The following LAPTM4B variants were observed in gnomAD, a reference collection of about 807,000 sequenced individuals.
LAPTM4B encodes lysosomal-associated transmembrane protein 4B.
A neutral mutation model predicts 28.5 loss-of-function variants in LAPTM4B; 26 were observed. The ratio of observed to expected loss-of-function variants is 0.91; its 90% CI spans 0.67 to 1.27. The LOEUF (loss-of-function observed/expected upper bound fraction) is 1.27, where lower values mean the gene tolerates loss of function less well. Ranked by LOEUF, LAPTM4B falls within the 50% of genes most tolerant of loss-of-function variation. LAPTM4B has a pLI of 0.00. For missense variants in LAPTM4B, 288 were observed against 285.8 expected (o/e 1.01, Z -0.06); for synonymous variants, 109 against 106.4 (o/e 1.02, Z -0.15).
intron 5 of LAPTM4B, among the ~76,000 whole-genome samples, chr8:97,822,842 T>TTA (rs1369735422): frequency 2.6e-5 from 4 of 151,416 alleles, no homozygotes; most frequent in East Asian, 1.9e-4. Context: ...TAGTTATTTT[T>TTA]TTTATTTATT....
intron 2 of LAPTM4B, among the ~76,000 whole-genome samples, chr8:97,812,236 TTG>T: frequency 6.8e-6 from 1 of 146,326 alleles, no homozygotes; most frequent in African/African-American, 2.5e-5. Flanking sequence ...TGTTTTTTTT[TTG>T]AGTCGGAGTC....
chr8:97,777,589 C>T lies in LAPTM4B; in HGVS notation c.99+1481C>T, dbSNP rs559281242. On this transcript the variant is annotated intron_variant, in intron 1 of 6. Coordinates refer to ENST00000521545, the MANE Select transcript of LAPTM4B (RefSeq NM_018407.6). ...CCATTTTAAGCAAAACATTTCACCC[C>T]AGGCATATGGTATTCACTGTGCTAT... 6.2e-4 allele frequency among the ~76,000 whole-genome samples: 95 copies of T among 152,278 alleles called. 2 individuals carry two copies. The South Asian group carries it at 0.019, about 30-fold the overall frequency.
intron 6 of LAPTM4B, among the ~76,000 whole-genome samples, chr8:97,835,406 G>A (rs1271873103): frequency 6.6e-6 from 1 of 152,210 alleles, no homozygotes; most frequent in Non-Finnish European, 1.5e-5. Flanking sequence ...CATTCCCTGG[G>A]TTAATCTCTC....
At chr8:97,790,829 T>C (rs1407724420) in intron 1 of LAPTM4B, among the ~76,000 whole-genome samples, 4 of 152,162 alleles carry the variant, frequency 2.6e-5, no homozygotes, top group African/African-American at 9.7e-5. Context: ...AACTTTCGCC[T>C]CCTGGGTTCA....
intron 6 of LAPTM4B, among the ~76,000 whole-genome samples, chr8:97,838,343 G>A (rs1286512718): frequency 6.6e-6 from 1 of 152,170 alleles, no homozygotes; most frequent in Non-Finnish European, 1.5e-5. Context: ...CATTGATGCT[G>A]TACTCCTCTC....
intron 2 of LAPTM4B, among the ~76,000 whole-genome samples, chr8:97,814,452 A>T (rs902153400): frequency 6.6e-6 from 1 of 152,032 alleles, no homozygotes; most frequent in East Asian, 1.9e-4. Context: ...TGAGCCTGGG[A>T]TGCGGAATTT....
intron 1 of LAPTM4B, among the ~76,000 whole-genome samples, chr8:97,782,546 C>T (rs1586317775): frequency 6.6e-6 from 1 of 151,736 alleles, no homozygotes; most frequent in East Asian, 1.9e-4. Flanking sequence ...TCAAGCGATT[C>T]TCCTGCCTCA....
At chr8:97,831,840 TTTTTTGGTGCCCTTTG>T (rs1419258283) in intron 6 of LAPTM4B, among the ~76,000 whole-genome samples, 1 of 152,144 alleles carries the variant, frequency 6.6e-6, no homozygotes, top group Non-Finnish European at 1.5e-5. Flanking sequence ...GGGTCAGATG[TTTTTTGGTGCCCTTTG>T]CAGTGGATTA....
At chr8:97,823,350 TTTTTTG>T (rs1357537374) in intron 5 of LAPTM4B, among the ~76,000 whole-genome samples, 2 of 38,168 alleles carry the variant, frequency 5.2e-5, no homozygotes, top group African/African-American at 1.2e-4. Flanking sequence ...TATGGTTTTT[TTTTTTG>T]TTTTTTTTTT....
intron 1 of LAPTM4B, among the ~76,000 whole-genome samples, chr8:97,777,164 T>TG (rs1491330025): frequency 3.0e-5 from 4 of 132,566 alleles, no homozygotes; most frequent in Admixed American, 8.0e-5. Context: ...TTTTTTTTTT[T>TG]GAGACAGAGT....
chr8:97,819,410 C>A (rs1563613967), intron 5 of LAPTM4B, among the ~76,000 whole-genome samples, 172 bp downstream of exon 5: 1 of 152,096 alleles, frequency 6.6e-6, no homozygotes, highest in Non-Finnish European at 1.5e-5. Context: ...AAACACTAAT[C>A]AAAATTCCAC....
At chr8:97,850,618 T>A (rs1250572461) in intron 6 of LAPTM4B, among the ~76,000 whole-genome samples, 1 of 150,750 alleles carries the variant, frequency 6.6e-6, no homozygotes, top group Non-Finnish European at 1.5e-5. Flanking sequence ...ATATCCCTGA[T>A]AGAAAATCTA....
At chr8:97,787,039 G>A (rs763776289) in intron 1 of LAPTM4B, among the ~76,000 whole-genome samples, 31 of 152,050 alleles carry the variant, frequency 2.0e-4, no homozygotes, top group Non-Finnish European at 4.1e-4. Context: ...CAAATATTGT[G>A]CATGGATTCC....
intron 2 of LAPTM4B, among the ~76,000 whole-genome samples, chr8:97,805,909 G>T (rs1471182976): frequency 6.6e-6 from 1 of 152,158 alleles, no homozygotes; most frequent in Admixed American, 6.5e-5. Context: ...ATGGAAATAT[G>T]TACAGGGATG....
At chr8:97,840,430 G>A (rs529530737) in intron 6 of LAPTM4B, among the ~76,000 whole-genome samples, 8 of 152,192 alleles carry the variant, frequency 5.3e-5, no homozygotes, top group South Asian at 2.1e-4. Context: ...AGTAAATTGA[G>A]GATAAAAATC....
chr8:97,809,627 G>A (rs1316337678), intron 2 of LAPTM4B, among the ~76,000 whole-genome samples: 1 of 152,176 alleles, frequency 6.6e-6, no homozygotes, highest in Non-Finnish European at 1.5e-5. Flanking sequence ...TTGAGCCTGG[G>A]TGGCAGAGGT....
At chr8:97,779,292 C>T (rs1196872029) in intron 1 of LAPTM4B, among the ~76,000 whole-genome samples, 1 of 151,510 alleles carries the variant, frequency 6.6e-6, no homozygotes, top group Non-Finnish European at 1.5e-5. Flanking sequence ...ACCAGCCTGA[C>T]CAACCATGGC....
At chr8:97,807,378 C>G (rs1816770947) in intron 2 of LAPTM4B, among the ~76,000 whole-genome samples, 1 of 152,172 alleles carries the variant, frequency 6.6e-6, no homozygotes, top group Non-Finnish European at 1.5e-5. Flanking sequence ...CAAGACCAGC[C>G]TGGTCAACGT....
At position 97,775,805 on chromosome 8, in the gene LAPTM4B, G is replaced by A. The variant is rs2449509; in HGVS notation, c.-205G>A. 4 of 1,566,214 alleles carry A rather than the reference G, an allele frequency of 2.6e-6. No homozygotes were observed. The highest frequency in any genetic ancestry group is 2.6e-6 in the Non-Finnish European group (3 of 1,161,286). ...CCCTCCCCGTCCCCGCCGCTGCAGC[G>A]GTCGCCTTCGGAGCGAAGGGTACCG... is the stretch of plus-strand genomic sequence containing the variant. On this transcript the variant is annotated 5_prime_UTR_variant, in exon 1 of 7. Transcript: ENST00000521545.
Sources: gnomAD v4.1 joint callset for allele counts (sites outside exome capture counted in the v4.1 genomes callset) on GRCh38, gnomAD v4.1.1 for gene constraint, MANE v1.5 for transcripts, NCBI Gene and HGNC (gene_info 2026-07-23, HGNC 2026-07-21) for gene names.